KCNT2: variants seen among roughly 807,000 people sequenced by gnomAD.
The protein encoded by KCNT2 is potassium channel subfamily T member 2.
Under a neutral mutation model 153.8 loss-of-function variants are expected in KCNT2, and 67 were observed. The observed-to-expected ratio is 0.44, with a 90% CI of 0.36 to 0.53. KCNT2 has a LOEUF of 0.53. KCNT2 is among the 20% of genes least tolerant of loss of function. The probability of loss-of-function intolerance (pLI) is 0.00; values close to 1 mark genes in which losing one functional copy is unlikely to be tolerated. For missense variants in KCNT2, 975 were observed against 1,354.8 expected, an observed-to-expected ratio of 0.72 and a Z score of 4.40; for synonymous variants, 500 against 458.8, an observed-to-expected ratio of 1.09 and a Z score of -1.15.
intron 8 of KCNT2, among the ~76,000 whole-genome samples, chr1:196,450,751 G>A (rs1410686092): frequency 6.6e-6 from 1 of 151,702 alleles, no homozygotes; most frequent in East Asian, 2.0e-4. Flanking sequence ...TACTGCTCTT[G>A]TCTCCCCACA....
chr1:196,595,079 T>C (rs976436397), intron 1 of KCNT2, among the ~76,000 whole-genome samples: 25 of 151,976 alleles, frequency 1.6e-4, no homozygotes, highest in African/African-American at 6.0e-4. Flanking sequence ...AAAACAGACC[T>C]GGAATAATGA....
intron 1 of KCNT2, among the ~76,000 whole-genome samples, chr1:196,603,776 A>G (rs1160060913): frequency 6.6e-6 from 1 of 152,244 alleles, no homozygotes; most frequent in African/African-American, 2.4e-5. Context: ...TTCTATGGCT[A>G]CAACTGAGGA....
chr1:196,226,265 CAACTT>C lies in KCNT2; in HGVS notation c.*1954_*1958del. On this transcript the variant is annotated 3_prime_UTR_variant, in exon 28 of 28. Coordinates refer to ENST00000294725, the MANE Select transcript of KCNT2 (RefSeq NM_198503.5). ...CTAAAAATAATGAAGTAAAAAAAGTCAACTTAAAGAAACATCATACTTGACTCTTG... is the reference window on the plus strand; with the variant it reads ...CTAAAAATAATGAAGTAAAAAAAGTCAAAGAAACATCATACTTGACTCTTG... 6.6e-6 allele frequency: 1 copy of C among 151,844 alleles called. No homozygotes were observed. The highest frequency in any genetic ancestry group is 1.5e-5 in the Non-Finnish European group (1 of 67,850). 9.4% of individuals were successfully genotyped at this position (151,844 alleles called of 1,614,324 possible).
At chr1:196,314,772 C>A (rs1662541928) in intron 21 of KCNT2, among the ~76,000 whole-genome samples, 1 of 151,666 alleles carries the variant, frequency 6.6e-6, no homozygotes, top group Non-Finnish European at 1.5e-5. Flanking sequence ...ATAAAGTTTG[C>A]TGCTGTATAG....
intron 1 of KCNT2, among the ~76,000 whole-genome samples, chr1:196,599,974 T>C (rs952864319): frequency 2.6e-5 from 4 of 152,218 alleles, no homozygotes; most frequent in Non-Finnish European, 2.9e-5. Context: ...CTAATATCAC[T>C]GAACTAATTT....
At chr1:196,409,036 G>GT (rs1277559974) in intron 12 of KCNT2, among the ~76,000 whole-genome samples, 11 of 145,362 alleles carry the variant, frequency 7.6e-5, no homozygotes, top group African/African-American at 1.3e-4. Context: ...TATATTGAGG[G>GT]TTTTTTTTTA....
chr1:196,376,581 T>C (rs968806398), intron 13 of KCNT2, among the ~76,000 whole-genome samples: 2 of 151,946 alleles, frequency 1.3e-5, no homozygotes, highest in African/African-American at 4.8e-5. Context: ...TCTGATGTTC[T>C]TTCCTCTAGG....
In KCNT2 at chr1:196,573,875, CACTT is replaced by C. The variant is rs566252870; in HGVS notation, c.95+34336_95+34339del. Among the ~76,000 whole-genome samples the C allele has an allele frequency of 9.6e-4, 146 of 151,814 alleles. 1 individual carries two copies. The highest frequency in any genetic ancestry group is 3.4e-3 in the Middle Eastern group (1 of 294). The stretch of plus-strand genomic sequence containing the variant: ...TGTTACTCTTGTTTACTTTCTCAGT[CACTT>C]AGAGGACTGCAAATAAGTTAATAGC... On this transcript the variant is annotated intron_variant, in intron 1 of 27. Transcript: ENST00000294725.
At chr1:196,321,628 A>G (rs1004298204) in intron 19 of KCNT2, among the ~76,000 whole-genome samples, 1 of 151,938 alleles carries the variant, frequency 6.6e-6, no homozygotes, top group African/African-American at 2.4e-5. Context: ...TCATCCTTAC[A>G]TGAATTCAGC....
chr1:196,393,785 T>C (rs762274279), intron 13 of KCNT2, among the ~76,000 whole-genome samples: 2 of 151,534 alleles, frequency 1.3e-5, no homozygotes, highest in Non-Finnish European at 3.0e-5. Flanking sequence ...TTCCACAACA[T>C]GGAAGCATAA....
chr1:196,296,638 G>A (rs994823371), intron 22 of KCNT2, among the ~76,000 whole-genome samples: 2 of 152,126 alleles, frequency 1.3e-5, no homozygotes, highest in Admixed American at 6.5e-5. Flanking sequence ...TCCTCTACAG[G>A]TTATAGCAAC....
At chr1:196,341,490 A>G (rs1449788426) in intron 15 of KCNT2, among the ~76,000 whole-genome samples, 2 of 152,066 alleles carry the variant, frequency 1.3e-5, no homozygotes, top group African/African-American at 4.8e-5. Flanking sequence ...TAGACTATAT[A>G]CGTATATTGT....
intron 21 of KCNT2, among the ~76,000 whole-genome samples, chr1:196,309,498 G>A (rs887775351): frequency 2.6e-5 from 4 of 151,762 alleles, no homozygotes; most frequent in African/African-American, 9.7e-5. Context: ...TAATTTACGT[G>A]ATGTGCCTCC....
intron 1 of KCNT2, among the ~76,000 whole-genome samples, chr1:196,514,317 A>C (rs968678981): frequency 2.6e-5 from 4 of 152,110 alleles, no homozygotes; most frequent in African/African-American, 9.7e-5. Flanking sequence ...ACAATTATAA[A>C]TATCTTCTGA....
chr1:196,239,388 A>C (rs1654742669), intron 26 of KCNT2, among the ~76,000 whole-genome samples: 1 of 151,862 alleles, frequency 6.6e-6, no homozygotes, highest in Non-Finnish European at 1.5e-5. Context: ...ATGGAGAAAA[A>C]TTTAAAGATT....
chr1:196,581,490 GA>G (rs1447818848), intron 1 of KCNT2, among the ~76,000 whole-genome samples: 3 of 151,936 alleles, frequency 2.0e-5, no homozygotes, highest in African/African-American at 7.2e-5. Flanking sequence ...GCCACCGGGT[GA>G]ATATTGCCCC....
intron 4 of KCNT2, among the ~76,000 whole-genome samples, chr1:196,480,151 T>C (rs1678884013): frequency 6.6e-6 from 1 of 152,188 alleles, no homozygotes; most frequent in African/African-American, 2.4e-5. Context: ...CTGTGTTAAA[T>C]ACTCTACAAC....
chr1:196,459,776 T>C (rs1027350576), intron 8 of KCNT2, among the ~76,000 whole-genome samples: 2 of 151,776 alleles, frequency 1.3e-5, no homozygotes, highest in African/African-American at 4.8e-5. Context: ...CGGCTAAACT[T>C]TGCCTCAACG....
intron 8 of KCNT2, among the ~76,000 whole-genome samples, chr1:196,431,911 G>A (rs1285368019): frequency 1.3e-5 from 2 of 152,076 alleles, no homozygotes; most frequent in Non-Finnish European, 2.9e-5. Context: ...AGGAAGCCAG[G>A]TGGTCTTCAT....
Sources: allele counts gnomAD v4.1 joint callset (sites outside exome capture counted in the v4.1 genomes callset), GRCh38; gene constraint gnomAD v4.1.1; transcripts MANE v1.5; gene names NCBI Gene and HGNC (gene_info 2026-07-23, HGNC 2026-07-21).